The following LARP1B variants were observed in gnomAD, a reference collection of about 807,000 sequenced individuals.
LARP1B encodes the protein la-related protein 1B.
A neutral mutation model predicts 114.2 loss-of-function variants in LARP1B; 76 were observed. The ratio of observed to expected loss-of-function variants is 0.67; its 90% CI spans 0.55 to 0.81. LARP1B has a LOEUF of 0.81. Among genes scored for constraint, LARP1B ranks in the 30% least tolerant of loss-of-function variants. The pLI, the probability that LARP1B is intolerant of heterozygous loss-of-function variation, is 0.00. For synonymous variants in LARP1B, 345 were observed against 348.0 expected (o/e 0.99, Z 0.10); for missense variants, 1,014 against 1,075.8 (o/e 0.94, Z 0.80).
chr4:128,122,498 C>T (rs1255958442), intron 11 of LARP1B: 32 of 1,514,340 alleles, frequency 2.1e-5, no homozygotes, highest in African/African-American at 7.2e-5. Flanking sequence ...ATACTGAGAA[C>T]GCCCTTTCTC....
At chr4:128,087,670 C>G (rs1374279898) in intron 5 of LARP1B, among the ~76,000 whole-genome samples, 2 of 152,138 alleles carry the variant, frequency 1.3e-5, no homozygotes, top group African/African-American at 4.8e-5. Context: ...CATCTAAAAT[C>G]TAGTCAATAG....
At chr4:128,187,430 GCTTTGGA>G (rs897443666) in intron 15 of LARP1B, among the ~76,000 whole-genome samples, 4 of 152,204 alleles carry the variant, frequency 2.6e-5, no homozygotes, top group African/African-American at 4.8e-5. Flanking sequence ...GCCCTTCTGG[GCTTTGGA>G]CTTGCATGCA....
intron 12 of LARP1B, among the ~76,000 whole-genome samples, chr4:128,166,664 T>A (rs889217761): frequency 1.3e-5 from 2 of 151,828 alleles, no homozygotes; most frequent in Non-Finnish European, 3.0e-5. Flanking sequence ...GTACATTAGA[T>A]CTCTAGACTT....
At chr4:128,166,930 T>TTC (rs56916317) in intron 12 of LARP1B, among the ~76,000 whole-genome samples, 469 of 103,054 alleles carry the variant, frequency 4.6e-3, no homozygotes, top group Middle Eastern at 0.014. Flanking sequence ...TTATATTCTA[T>TTC]TCTCTCTCTC....
At chr4:128,112,002 A>C (rs1303338031) in intron 9 of LARP1B, among the ~76,000 whole-genome samples, 1 of 151,902 alleles carries the variant, frequency 6.6e-6, no homozygotes, top group Non-Finnish European at 1.5e-5. Flanking sequence ...TGTCTCTTAA[A>C]AAAAGTTTCA....
At chr4:128,082,535 C>T (rs1770902467) in intron 5 of LARP1B, among the ~76,000 whole-genome samples, 1 of 152,118 alleles carries the variant, frequency 6.6e-6, no homozygotes, top group Admixed American at 6.6e-5. Flanking sequence ...AGATTTTTCT[C>T]AATAAAGTCC....
intron 7 of LARP1B, among the ~76,000 whole-genome samples, chr4:128,221,256 T>G (rs1478224740): frequency 2.0e-5 from 3 of 152,208 alleles, no homozygotes; most frequent in African/African-American, 7.2e-5. Flanking sequence ...TAAGGTAAAA[T>G]ACAAATGAAA....
At chr4:128,149,799 T>C (rs922127902) in intron 11 of LARP1B, among the ~76,000 whole-genome samples, 1 of 152,088 alleles carries the variant, frequency 6.6e-6, no homozygotes, top group Admixed American at 6.6e-5. Flanking sequence ...TTTAAGGTAT[T>C]AAAGAAAAGG....
At chr4:128,221,625 A>C (rs1290590947) in intron 7 of LARP1B, among the ~76,000 whole-genome samples, 1 of 152,202 alleles carries the variant, frequency 6.6e-6, no homozygotes, top group Non-Finnish European at 1.5e-5. Flanking sequence ...TTTAAGATTC[A>C]TTAGACTTTT....
At chr4:128,155,668 C>A in intron 11 of LARP1B, 1 of 1,591,672 alleles carries the variant, frequency 6.3e-7, no homozygotes, top group Non-Finnish European at 8.6e-7. Context: ...AGTGGTGTGT[C>A]CAAGGCCTTG....
rs555354848 is a variant in LARP1B at position 128,222,459 on chromosome 4, G to A, written n.1045G>A. On this transcript the variant is annotated non_coding_transcript_exon_variant, in exon 8 of 8. Transcript: ENST00000503725. ...TGGGCTCAGTGACACTCCAGTCGCC[G>A]CCCCACCCCACATCAATGCCACTTC... 3.3e-5 allele frequency: 14 copies of A among 429,758 alleles called. No homozygotes were observed. The East Asian group carries it at 3.7e-4, about 11-fold the overall frequency. The allele number at this position is 429,758 out of a possible 1,614,324, so 26.6% of individuals were successfully genotyped here.
At chr4:128,172,357 T>C (rs1391529344) in intron 12 of LARP1B, among the ~76,000 whole-genome samples, 1 of 152,202 alleles carries the variant, frequency 6.6e-6, no homozygotes, top group East Asian at 1.9e-4. Flanking sequence ...TAATCAAATT[T>C]GGAAAGTGTT....
rs1168859724 is a variant in LARP1B, at chr4:128,082,190, C to A, written c.243C>A (p.Leu81=). The change falls in exon 5 of 20, where the codon CTC becomes CTA. Residue 81 remains leucine (L), a synonymous_variant. Coordinates refer to ENST00000326639, the MANE Select transcript of LARP1B (RefSeq NM_018078.4). ...CTAATAAGCACAAGTGGGTACCACT[C>A]CACTTAGATGTTGTAAGATCAGAGA... ...KRANKHKWVP[L]HLDVVRSESQ... The A allele has an allele frequency of 1.2e-6, 2 of 1,612,136 alleles. No individual in the cohort carries two copies. The highest frequency in any genetic ancestry group is 2.2e-5 in the East Asian group (1 of 44,874).
intron 12 of LARP1B, among the ~76,000 whole-genome samples, chr4:128,165,434 A>G (rs1288635390): frequency 6.9e-6 from 1 of 145,634 alleles, no homozygotes; most frequent in Non-Finnish European, 1.5e-5. Flanking sequence ...TTAAAAGATA[A>G]TTTTAATCTT....
chr4:128,092,323 A>G (rs750549701), intron 7 of LARP1B, among the ~76,000 whole-genome samples: 1 of 152,106 alleles, frequency 6.6e-6, no homozygotes, highest in South Asian at 2.1e-4. Flanking sequence ...TTAAATGGGG[A>G]CTACCTTATA....
chr4:128,097,283 G>T (rs562965498), intron 7 of LARP1B, among the ~76,000 whole-genome samples: 39 of 152,148 alleles, frequency 2.6e-4, no homozygotes, highest in African/African-American at 8.9e-4. Flanking sequence ...ACATATGCCT[G>T]TGTGTTCACT....
rs1432607336 is a variant in LARP1B, at chr4:128,088,996, G to C, written c.359-2005G>C. 3.3e-5 allele frequency among the ~76,000 whole-genome samples: 5 copies of C among 152,158 alleles called. No homozygotes were observed. The East Asian group carries it at 5.8e-4, about 18-fold the overall frequency. Reference sequence around the variant, plus strand: ...GAAATGTTTGAAAAAGACTGTTTTAGGTCTAAGCATTGAGGATGGAACTAT... The same window carrying C: ...GAAATGTTTGAAAAAGACTGTTTTACGTCTAAGCATTGAGGATGGAACTAT... On this transcript the variant is annotated intron_variant, in intron 5 of 19. Transcript: ENST00000326639.
chr4:128,129,037 C>T (rs1018007919), intron 11 of LARP1B, among the ~76,000 whole-genome samples: 4 of 151,370 alleles, frequency 2.6e-5, no homozygotes, highest in South Asian at 4.2e-4. Context: ...TGATGGTGGG[C>T]GCCTGTAGTC....
At chr4:128,213,534 T>C (rs1248183183), downstream of LARP1B, among the ~76,000 whole-genome samples, 1 of 152,082 alleles carries the variant, frequency 6.6e-6, no homozygotes, top group Non-Finnish European at 1.5e-5. Context: ...CTTAAAGAAA[T>C]TCTGAATGTA....
Sources: allele counts gnomAD v4.1 joint callset (sites outside exome capture counted in the v4.1 genomes callset), GRCh38; gene constraint gnomAD v4.1.1; transcripts MANE v1.5; gene names NCBI Gene and HGNC (gene_info 2026-07-23, HGNC 2026-07-21).